DTNA: variants seen among roughly 807,000 people sequenced by gnomAD.
DTNA encodes dystrophin-related protein 3.
In DTNA, 43 loss-of-function variants were observed where a neutral mutation model predicts 100.7. That is an observed-to-expected ratio of 0.43 (90% CI 0.33 to 0.55). The LOEUF (loss-of-function observed/expected upper bound fraction) is 0.55. Ranked by LOEUF, DTNA falls within the 20% of genes least tolerant of loss-of-function variation. The pLI, the probability that DTNA is intolerant of heterozygous loss-of-function variation, is 0.04. For missense variants in DTNA, 798 were observed against 953.9 expected, an observed-to-expected ratio of 0.84 and a Z score of 2.15; for synonymous variants, 349 against 347.9, an observed-to-expected ratio of 1.00 and a Z score of -0.04.
At chr18:34,819,401 G>T (rs996075295) in intron 8 of DTNA, among the ~76,000 whole-genome samples, 1 of 152,156 alleles carries the variant, frequency 6.6e-6, no homozygotes, top group East Asian at 1.9e-4. Flanking sequence ...CAATTCCAAT[G>T]CAACTCCTCA....
intron 1 of DTNA, among the ~76,000 whole-genome samples, chr18:34,623,127 G>A (rs1407587869): frequency 6.6e-6 from 1 of 152,058 alleles, no homozygotes; most frequent in East Asian, 1.9e-4. Context: ...GATCTCCCAG[G>A]GCACCATTCA....
intron 3 of DTNA, among the ~76,000 whole-genome samples, chr18:34,773,437 T>G (rs1398416874): frequency 3.9e-5 from 6 of 152,168 alleles, no homozygotes; most frequent in African/African-American, 1.4e-4. Context: ...GATCAGAGGA[T>G]TCTCCCTAGT....
chr18:34,812,773 C>T (rs1393446039), intron 6 of DTNA, among the ~76,000 whole-genome samples: 1 of 152,168 alleles, frequency 6.6e-6, no homozygotes, highest in African/African-American at 2.4e-5. Flanking sequence ...ATTATTTTTA[C>T]TATCACTGCA....
chr18:34,727,649 C>T (rs1427077252), intron 1 of DTNA, among the ~76,000 whole-genome samples: 2 of 152,118 alleles, frequency 1.3e-5, no homozygotes, highest in Non-Finnish European at 2.9e-5. Context: ...ACTGCAACCT[C>T]CACCTCCCAG....
At chr18:34,593,901 A>G (rs1228305693) in intron 1 of DTNA, among the ~76,000 whole-genome samples, 2 of 152,118 alleles carry the variant, frequency 1.3e-5, no homozygotes, top group African/African-American at 4.8e-5. Context: ...TTATTGTGAG[A>G]TGGAGTTCAG....
At chr18:34,584,349 A>G (rs2048920475) in intron 1 of DTNA, among the ~76,000 whole-genome samples, 2 of 152,224 alleles carry the variant, frequency 1.3e-5, no homozygotes, top group South Asian at 2.1e-4. Context: ...TCTGGAGAGA[A>G]CAGAAAGCTG....
intron 17 of DTNA, chr18:34,867,026 G>A (rs1319355655): frequency 6.6e-6 from 8 of 1,220,488 alleles, no homozygotes; most frequent in Non-Finnish European, 8.2e-6. Flanking sequence ...TTAAATAGAA[G>A]CAAAATAAAA....
intron 1 of DTNA, among the ~76,000 whole-genome samples, chr18:34,615,469 G>A (rs1039399930): frequency 6.6e-6 from 1 of 152,122 alleles, no homozygotes; most frequent in Non-Finnish European, 1.5e-5. Context: ...TCAGTCAGCA[G>A]ATATCAGCAA....
At chr18:34,697,047 A>G (rs2080673776) in intron 1 of DTNA, among the ~76,000 whole-genome samples, 1 of 152,222 alleles carries the variant, frequency 6.6e-6, no homozygotes, top group Non-Finnish European at 1.5e-5. Context: ...TGCTCAGGGC[A>G]GTCCCTAAAA....
intron 1 of DTNA, among the ~76,000 whole-genome samples, chr18:34,646,375 C>T (rs35916174): frequency 6.6e-6 from 1 of 152,176 alleles, no homozygotes; most frequent in South Asian, 2.1e-4. Context: ...AATAAGAAAC[C>T]ATATCTGTTA....
intron 1 of DTNA, among the ~76,000 whole-genome samples, chr18:34,731,404 G>A (rs572861677): frequency 2.6e-5 from 4 of 152,168 alleles, no homozygotes; most frequent in Admixed American, 6.5e-5. Context: ...GCGTGAACCC[G>A]GGAAGCGGAG....
chr18:34,581,840 T>G (rs2048682093), intron 1 of DTNA, among the ~76,000 whole-genome samples: 1 of 152,120 alleles, frequency 6.6e-6, no homozygotes, highest in South Asian at 2.1e-4. Flanking sequence ...GCCAGGATGG[T>G]CTTGATTTCT....
At chr18:34,793,238 G>A (rs1328676876) in intron 3 of DTNA, among the ~76,000 whole-genome samples, 8 of 152,324 alleles carry the variant, frequency 5.3e-5, no homozygotes, top group East Asian at 1.9e-4. Context: ...GGGTGAGGAC[G>A]TGTTCTTTAT....
At chr18:34,718,051 G>A (rs1002327998) in intron 1 of DTNA, among the ~76,000 whole-genome samples, 4 of 152,202 alleles carry the variant, frequency 2.6e-5, no homozygotes, top group African/African-American at 9.6e-5. Flanking sequence ...GTCAGGTAGA[G>A]AACAACTGAT....
At chr18:34,816,683 A>G (rs1229363828) in intron 7 of DTNA, among the ~76,000 whole-genome samples, 1 of 152,206 alleles carries the variant, frequency 6.6e-6, no homozygotes, top group Non-Finnish European at 1.5e-5. Flanking sequence ...TGTTCAATGT[A>G]ACTCTGAAAT....
chr18:34,791,293 T>G (rs1444049257), intron 3 of DTNA, among the ~76,000 whole-genome samples: 4 of 152,102 alleles, frequency 2.6e-5, no homozygotes, highest in African/African-American at 9.7e-5. Context: ...CAGTCCATGC[T>G]CCTCTCCCCA....
At chr18:34,816,534 C>T (rs2095601630) in intron 7 of DTNA, among the ~76,000 whole-genome samples, 2 of 152,034 alleles carry the variant, frequency 1.3e-5, no homozygotes, top group African/African-American at 4.8e-5. Flanking sequence ...TTTTTTAAAG[C>T]AAGTATTTCT....
intron 1 of DTNA, among the ~76,000 whole-genome samples, chr18:34,615,893 C>T (rs2055176665): frequency 6.6e-6 from 1 of 152,146 alleles, no homozygotes; most frequent in Admixed American, 6.5e-5. Context: ...CCAGCTCCAT[C>T]CATGTTGCTG....
chr18:34,629,831 G>A (rs1490959705), intron 1 of DTNA, among the ~76,000 whole-genome samples: 1 of 152,012 alleles, frequency 6.6e-6, no homozygotes, highest in East Asian at 1.9e-4. Flanking sequence ...TGCTGGTCCC[G>A]CAATCCTCCA....
Sources: allele counts gnomAD v4.1 joint callset (sites outside exome capture counted in the v4.1 genomes callset), GRCh38; gene constraint gnomAD v4.1.1; transcripts MANE v1.5; gene names NCBI Gene and HGNC (gene_info 2026-07-23, HGNC 2026-07-21).